SPEF2: variants seen among roughly 807,000 people sequenced by gnomAD.
SPEF2 encodes the protein sperm flagellar and cilia associated 2, also known as sperm flagella and cilia-associated protein 2.
A neutral mutation model predicts 224.6 loss-of-function variants in SPEF2; 187 were observed. The observed-to-expected ratio is 0.83, with a 90% confidence interval of 0.74 to 0.94. SPEF2 has a LOEUF of 0.94. SPEF2 is among the 40% of genes least tolerant of loss of function. The pLI is 0.00. For synonymous variants in SPEF2, 715 were observed against 707.3 expected (o/e 1.01, Z -0.17); for missense variants, 2,170 against 2,135.6 (o/e 1.02, Z -0.32).
At chr5:35,643,927 A>G (rs1004009753) in intron 3 of SPEF2, among the ~76,000 whole-genome samples, 2 of 152,164 alleles carry the variant, frequency 1.3e-5, no homozygotes, top group Admixed American at 6.6e-5. Context: ...ACACAAACCT[A>G]GGAAGTTTTA....
intron 25 of SPEF2, among the ~76,000 whole-genome samples, chr5:35,762,127 T>A (rs143390080): frequency 1.3e-5 from 2 of 152,180 alleles, no homozygotes; most frequent in Non-Finnish European, 2.9e-5. Context: ...TGAATACTTA[T>A]CATAATAATT....
intron 16 of SPEF2, among the ~76,000 whole-genome samples, chr5:35,701,702 A>C (rs1199560187): frequency 3.3e-5 from 5 of 152,170 alleles, no homozygotes; most frequent in African/African-American, 1.2e-4. Flanking sequence ...TTAGAAATGA[A>C]AATAAATTTG....
At chr5:35,764,643 CA>C (rs1751846887) in intron 26 of SPEF2, 4 of 456,050 alleles carry the variant, frequency 8.8e-6, no homozygotes, top group Non-Finnish European at 1.8e-5. Context: ...ATCAACTTTC[CA>C]AAAGATTTTG....
chr5:35,759,502 T>C, intron 24 of SPEF2, 66 bp from the exon 25 acceptor site: 7 of 1,320,318 alleles, frequency 5.3e-6, no homozygotes, highest in Non-Finnish European at 7.0e-6. Context: ...CAGAGGCTTA[T>C]ATCGGAAATA....
chr5:35,708,509 A>G (rs1212260308), intron 18 of SPEF2, among the ~76,000 whole-genome samples: 1 of 54,610 alleles, frequency 1.8e-5, no homozygotes, highest in Non-Finnish European at 3.8e-5. Flanking sequence ...AAATACACAT[A>G]TATTCCTCAT....
rs753267577 is a variant in SPEF2, at chr5:35,712,798, C to T, written c.2840-14C>T. The stretch of plus-strand genomic sequence containing the variant: ...TAAATCATCAATGATTTTTGTGTGT[C>T]GAATTTTGTTTAGAAGCCCCGCATG... On this transcript the variant is annotated splice_polypyrimidine_tract_variant and intron_variant, in intron 19 of 36. Transcript: ENST00000356031. 26 of 1,612,900 alleles carry T rather than the reference C, an allele frequency of 1.6e-5. No individual in the cohort carries two copies. The highest frequency in any genetic ancestry group is 1.6e-4 in the East Asian group (7 of 44,854).
chr5:35,754,544 G>A (rs1279831663), intron 24 of SPEF2, among the ~76,000 whole-genome samples: 1 of 152,194 alleles, frequency 6.6e-6, no homozygotes, highest in Non-Finnish European at 1.5e-5. Flanking sequence ...ACAAGAACTG[G>A]GAGATAGAGT....
chr5:35,648,805 G>T (rs549917526), intron 5 of SPEF2, among the ~76,000 whole-genome samples: 1 of 152,208 alleles, frequency 6.6e-6, no homozygotes, highest in Admixed American at 6.5e-5. Flanking sequence ...CCTGAGGTCA[G>T]GAGTTTGAGG....
At chr5:35,650,692 A>G (rs9292597) in intron 6 of SPEF2, among the ~76,000 whole-genome samples, 91,574 of 151,424 alleles carry the variant, frequency 0.6, 28,360 homozygotes, top group East Asian at 0.74. Context: ...ACCAGTATCC[A>G]TGTCTATTGG....
intron 36 of SPEF2, chr5:35,807,723 A>G (rs1758251779): frequency 1.3e-6 from 2 of 1,535,972 alleles, no homozygotes; most frequent in African/African-American, 1.4e-5. Context: ...TGCAAGATGG[A>G]GAAACTAAGG....
chr5:35,814,593 T>C lies in SPEF2; in HGVS notation c.*40T>C. 7.4e-7 allele frequency: 1 copy of C among 1,351,284 alleles called. No individual in the cohort carries two copies. The highest frequency in any genetic ancestry group is 1.5e-5 in the African/African-American group (1 of 68,598). The allele number at this position is 1,351,284 out of a possible 1,614,324, so 83.7% of individuals were successfully genotyped here. ...GATTTTTTTAATTCTGCAATAAATC[T>C]TCCAAAAATTAAATGTGACCATGGT... is the stretch of plus-strand genomic sequence containing the variant. On this transcript the variant is annotated 3_prime_UTR_variant, in exon 37 of 37. Transcript: ENST00000356031.
intron 24 of SPEF2, among the ~76,000 whole-genome samples, chr5:35,759,042 GA>G (rs931552749): frequency 4.0e-4 from 41 of 101,858 alleles, no homozygotes; most frequent in African/African-American, 9.5e-4. Context: ...AGGAAAGAAA[GA>G]AAAAAAAAAC....
At chr5:35,681,883 G>A (rs866424012) in intron 10 of SPEF2, among the ~76,000 whole-genome samples, 7 of 152,142 alleles carry the variant, frequency 4.6e-5, no homozygotes, top group Non-Finnish European at 8.8e-5. Flanking sequence ...CTTTACAGGG[G>A]TTCAGACCAA....
intron 29 of SPEF2, among the ~76,000 whole-genome samples, chr5:35,777,893 A>G (rs946938216): frequency 2.0e-5 from 3 of 152,060 alleles, no homozygotes; most frequent in East Asian, 3.9e-4. Context: ...GTGCCGGGCT[A>G]TGGTTGGGTC....
chr5:35,644,357 A>T lies in SPEF2; in HGVS notation c.417A>T (p.Arg139Ser), dbSNP rs1414325808. The T allele has an allele frequency of 6.4e-7, 1 of 1,559,228 alleles. No homozygotes were observed. The highest frequency in any genetic ancestry group is 8.7e-7 in the Non-Finnish European group (1 of 1,153,710). ...TTTGAAATGCTTTTTTCATTTAGAGACTTAGACACATGATACCACGTCAAA... is the reference window on the plus strand; with the variant it reads ...TTTGAAATGCTTTTTTCATTTAGAGTCTTAGACACATGATACCACGTCAAA... ...QNMKSDTFQE[R>S]LRHMIPRQTD... Residue 139 changes from arginine (R) to serine (S), a missense_variant and splice_region_variant, in exon 4 of 37, where the codon AGA (arginine) becomes AGT (serine). By Grantham distance (110) the Arg-to-Ser change is moderately radical (BLOSUM62 -1). Transcript: ENST00000356031.
chr5:35,630,613 A>G (rs919665343), intron 2 of SPEF2, among the ~76,000 whole-genome samples: 4 of 152,070 alleles, frequency 2.6e-5, no homozygotes, highest in African/African-American at 7.2e-5. Context: ...GGAGAATGGC[A>G]TGAACCCGGG....
chr5:35,659,038 AGC>A lies in SPEF2; in HGVS notation c.999_1000del (p.Gln333HisfsTer3), dbSNP rs762664227. The A allele has an allele frequency of 2.1e-5, 33 of 1,575,240 alleles. No homozygotes were observed. The highest frequency in any genetic ancestry group is 2.9e-5 in the Non-Finnish European group (33 of 1,157,692). On this transcript the variant is annotated frameshift_variant, in exon 8 of 37. Coordinates refer to ENST00000356031, the MANE Select transcript of SPEF2 (RefSeq NM_024867.4). LOFTEE classifies it high-confidence loss of function. The stretch of plus-strand genomic sequence containing the variant: ...TTTCAGGAGGCTTATCGGGAGGAAC[AGC>A]TGATTAACCGGCTGATGCGGCAGTC...
In SPEF2 at chr5:35,799,961, T is replaced by C; in HGVS notation, c.4831-7T>C. ...CATTTTATCTTTGGAATTCTTTTTG[T>C]GTGCAGTTTTTCTTTAGGCTATTTG... On this transcript the variant is annotated splice_polypyrimidine_tract_variant and splice_region_variant and intron_variant, in intron 33 of 36. Coordinates refer to ENST00000356031, the MANE Select transcript of SPEF2 (RefSeq NM_024867.4). 1 of 1,613,734 alleles carries C rather than the reference T, an allele frequency of 6.2e-7. No homozygotes were observed.
intron 23 of SPEF2, among the ~76,000 whole-genome samples, chr5:35,740,912 G>C (rs1206694934): frequency 3.3e-5 from 5 of 152,118 alleles, no homozygotes; most frequent in Admixed American, 1.3e-4. Flanking sequence ...TATCCCATCA[G>C]AGGGATACCT....
Sources: gnomAD v4.1 joint callset for allele counts (sites outside exome capture counted in the v4.1 genomes callset) on GRCh38, gnomAD v4.1.1 for gene constraint, MANE v1.5 for transcripts, NCBI Gene and HGNC (gene_info 2026-07-23, HGNC 2026-07-21) for gene names.